HOOK1: variants seen among roughly 807,000 people sequenced by gnomAD.
HOOK1 encodes hook microtubule tethering protein 1.
HOOK1 carries 60 observed loss-of-function variants against 112.8 expected under a neutral mutation model. The observed-to-expected ratio is 0.53, with a 90% confidence interval of 0.43 to 0.66. The LOEUF (loss-of-function observed/expected upper bound fraction) is 0.66, where lower values mean the gene tolerates loss of function less well. HOOK1 is among the 30% of genes least tolerant of loss of function. The pLI, the probability that HOOK1 is intolerant of heterozygous loss-of-function variation, is 0.00. For missense variants in HOOK1, 770 were observed against 856.0 expected, an observed-to-expected ratio of 0.90 and a Z score of 1.25; for synonymous variants, 294 against 283.8, an observed-to-expected ratio of 1.04 and a Z score of -0.36.
At chr1:59,821,969 A>ACC in intron 2 of HOOK1, 26 bp downstream of exon 2, 2 of 1,570,296 alleles carry the variant, frequency 1.3e-6, no homozygotes, top group Non-Finnish European at 1.8e-6. Context: ...ACTCTCCCTG[A>ACC]AAAGCATTGT....
At chr1:59,840,273 C>T (rs770974268) in intron 7 of HOOK1, 35 bp from the exon 8 acceptor site, 31 of 1,434,452 alleles carry the variant, frequency 2.2e-5, no homozygotes, top group Middle Eastern at 1.8e-4. Flanking sequence ...TGTCAAAACA[C>T]GATTTACTAA....
chr1:59,821,578 GTAT>G (rs929708066), intron 1 of HOOK1, among the ~76,000 whole-genome samples: 10 of 152,214 alleles, frequency 6.6e-5, no homozygotes, highest in Middle Eastern at 3.4e-3. Flanking sequence ...ACCTGGTTTT[GTAT>G]TATTCCAAAT....
intron 8 of HOOK1, among the ~76,000 whole-genome samples, chr1:59,841,989 C>T (rs142526079): frequency 6.8e-4 from 103 of 152,176 alleles, no homozygotes; most frequent in African/African-American, 2.2e-3. Flanking sequence ...GTGCCTGTCT[C>T]GCACCCTTCT....
chr1:59,858,600 A>T, intron 13 of HOOK1, 85 bp downstream of exon 13: 1 of 849,510 alleles, frequency 1.2e-6, no homozygotes, highest in Non-Finnish European at 2.0e-6. Flanking sequence ...TTAACCTGTC[A>T]TGGTGGCGCA....
chr1:59,873,960 C>T lies in HOOK1; in HGVS notation c.*995C>T, dbSNP rs2102083065. 6.6e-6 allele frequency: 1 copy of T among 151,878 alleles called. No individual in the cohort carries two copies. The highest frequency in any genetic ancestry group is 6.6e-5 in the Admixed American group (1 of 15,264). The allele number at this position is 151,878 out of a possible 1,614,324, so 9.4% of individuals were successfully genotyped here. ...TTTGTTTACTTATTAAGGAGTTTATCTTGGGCTCAGTTTGTGGTATTCAGT... is the reference window on the plus strand; with the variant it reads ...TTTGTTTACTTATTAAGGAGTTTATTTTGGGCTCAGTTTGTGGTATTCAGT... On this transcript the variant is annotated 3_prime_UTR_variant, in exon 22 of 22. Coordinates refer to ENST00000371208, the MANE Select transcript of HOOK1 (RefSeq NM_015888.6).
intron 12 of HOOK1, among the ~76,000 whole-genome samples, chr1:59,858,157 T>C (rs1419677448): frequency 6.6e-6 from 1 of 152,230 alleles, no homozygotes; most frequent in Admixed American, 6.5e-5. Context: ...CCAAAGTCCA[T>C]GCTTTTTTAT....
Position 59,847,122 on chromosome 1 carries a change from A to G in HOOK1, c.866A>G (p.Asn289Ser), listed in dbSNP as rs753325123. ...CAGCTAATCGAATTCCAGCATAGGAATGATGAATTGACTAGTCTTGCAGAA... is the reference window on the plus strand; with the variant it reads ...CAGCTAATCGAATTCCAGCATAGGAGTGATGAATTGACTAGTCTTGCAGAA... ...EKQLIEFQHR[N>S]DELTSLAEET... is the part of the protein sequence containing the mutation. The change falls in exon 10 of 22, where the codon AAT becomes AGT. Residue 289 changes from asparagine to serine, a missense_variant. By Grantham distance (46) the Asn-to-Ser change is conservative (BLOSUM62 1). Transcript: ENST00000371208. 5.0e-6 allele frequency: 8 copies of G among 1,608,298 alleles called. No homozygotes were observed. The highest frequency in any genetic ancestry group is 5.9e-6 in the Non-Finnish European group (7 of 1,176,830).
chr1:59,827,390 T>G (rs1282001574), intron 2 of HOOK1, among the ~76,000 whole-genome samples: 1 of 152,214 alleles, frequency 6.6e-6, no homozygotes, highest in African/African-American at 2.4e-5. Flanking sequence ...CTAGCCAAGT[T>G]GACACATAAC....
At position 59,847,108 on chromosome 1, in the gene HOOK1, A is replaced by G. The variant is rs760240411; in HGVS notation, c.852A>G (p.Glu284=). Residue 284 remains glutamate (E), a synonymous_variant, in exon 10 of 22, where the codon GAA becomes GAG. Transcript: ENST00000371208. ...HCEELEKQLI[E]FQHRNDELTS... Reference sequence around the variant, plus strand: ...AAGAACTTGAAAAGCAGCTAATCGAATTCCAGCATAGGAATGATGAATTGA... The same window carrying G: ...AAGAACTTGAAAAGCAGCTAATCGAGTTCCAGCATAGGAATGATGAATTGA... 1 of 1,608,908 alleles carries G rather than the reference A, an allele frequency of 6.2e-7. No homozygotes were observed. Among genetic ancestry groups the G allele is most frequent in the East Asian group, 2.2e-5 (1 of 44,664 alleles).
intron 14 of HOOK1, among the ~76,000 whole-genome samples, chr1:59,859,338 TTTAAAG>T (rs1198929413): frequency 2.0e-5 from 3 of 152,136 alleles, no homozygotes; most frequent in Non-Finnish European, 4.4e-5. Flanking sequence ...AAGTATATAC[TTTAAAG>T]TTAGGAAATT....
chr1:59,824,052 T>A (rs1025417387), intron 2 of HOOK1, among the ~76,000 whole-genome samples: 27 of 152,188 alleles, frequency 1.8e-4, no homozygotes, highest in Admixed American at 6.5e-5. Flanking sequence ...CTTTTTAAAC[T>A]CCTTTACAGT....
chr1:59,864,311 T>C (rs1266621434), intron 16 of HOOK1, among the ~76,000 whole-genome samples: 2 of 152,012 alleles, frequency 1.3e-5, no homozygotes, highest in Non-Finnish European at 2.9e-5. Flanking sequence ...TTGATACTCC[T>C]CAGTATATCA....
At position 59,814,966 on chromosome 1, in the gene HOOK1, G is replaced by A; in HGVS notation, c.-152G>A. ...AGGAGGGGGTGACGCCGGACGCGTC[G>A]ACAGCGCGAGGGTTCGCGCGTGAGC... On this transcript the variant is annotated 5_prime_UTR_variant, in exon 1 of 22. Transcript: ENST00000371208. 1 of 709,438 alleles carries A rather than the reference G, an allele frequency of 1.4e-6. No homozygotes were observed. The highest frequency in any genetic ancestry group is 1.9e-5 in the African/African-American group (1 of 53,846). 43.9% of individuals were successfully genotyped at this position (709,438 alleles called of 1,614,324 possible).
At chr1:59,832,096 T>G (rs1008959804) in intron 3 of HOOK1, 67 bp from the exon 4 acceptor site, 7 of 875,490 alleles carry the variant, frequency 8.0e-6, no homozygotes, top group Non-Finnish European at 1.3e-5. Flanking sequence ...TTATTGTCTT[T>G]CATGCTGACA....
At chr1:59,854,569 A>T (rs1038020757) in intron 12 of HOOK1, among the ~76,000 whole-genome samples, 1 of 151,988 alleles carries the variant, frequency 6.6e-6, no homozygotes, top group Non-Finnish European at 1.5e-5. Context: ...GCTAGATATA[A>T]AATTCTTGTT....
At chr1:59,825,250 T>C (rs766692061) in intron 2 of HOOK1, among the ~76,000 whole-genome samples, 3 of 152,226 alleles carry the variant, frequency 2.0e-5, no homozygotes, top group Admixed American at 6.5e-5. Context: ...CTTAAACATA[T>C]CTTTTTTGAT....
chr1:59,830,682 T>TA (rs1391341905), intron 3 of HOOK1, among the ~76,000 whole-genome samples: 1 of 152,122 alleles, frequency 6.6e-6, no homozygotes, highest in Non-Finnish European at 1.5e-5. Context: ...TTCTATTTCT[T>TA]ACATTCATGT....
At position 59,865,163 on chromosome 1, in the gene HOOK1, G is replaced by A. The variant is rs1046608792; in HGVS notation, c.1662G>A (p.Met554Ile). The change falls in exon 18 of 22, where the codon ATG becomes ATA. Residue 554 changes from methionine to isoleucine, a missense_variant and splice_region_variant. Transcript: ENST00000371208. ...TCTCCATGCTTTTTCTACCACTTAGGGAAAAACTCACAGAGGTCCATGAAG... is the reference window on the plus strand; with the variant it reads ...TCTCCATGCTTTTTCTACCACTTAGAGAAAAACTCACAGAGGTCCATGAAG... ...SKLKQKLEAH[M>I]EKLTEVHEEL... 6.3e-7 allele frequency: 1 copy of A among 1,591,348 alleles called. No individual in the cohort carries two copies. The highest frequency in any genetic ancestry group is 1.3e-5 in the African/African-American group (1 of 74,546).
chr1:59,844,170 C>T (rs188602592), intron 9 of HOOK1, among the ~76,000 whole-genome samples: 4 of 152,068 alleles, frequency 2.6e-5, no homozygotes, highest in Admixed American at 2.0e-4. Context: ...AAGAATACTA[C>T]AAGGAACTTC....
Sources: gnomAD v4.1 joint callset for allele counts (sites outside exome capture counted in the v4.1 genomes callset) on GRCh38, gnomAD v4.1.1 for gene constraint, MANE v1.5 for transcripts, NCBI Gene and HGNC (gene_info 2026-07-23, HGNC 2026-07-21) for gene names.